Variants in FYTTD1 observed in about 807,000 individuals in gnomAD.
FYTTD1 encodes forty-two-three domain containing 1, also known as UAP56-interacting factor.
Under a neutral mutation model 40.9 loss-of-function variants are expected in FYTTD1, and 22 were observed. The observed-to-expected ratio is 0.54, with a 90% CI of 0.38 to 0.77. The LOEUF (loss-of-function observed/expected upper bound fraction) is 0.77, where lower values mean the gene tolerates loss of function less well. Ranked by LOEUF, FYTTD1 falls within the 30% of genes least tolerant of loss-of-function variation. The pLI is 0.00. For synonymous variants in FYTTD1, 140 were observed against 137.9 expected (o/e 1.01, Z -0.10); for missense variants, 351 against 392.2 (o/e 0.90, Z 0.89).
chr3:197,750,306 G>T (rs1159428159), intron 1 of FYTTD1: 13 of 1,106,084 alleles, frequency 1.2e-5, no homozygotes, highest in African/African-American at 1.6e-5. Flanking sequence ...AGTCGGAGGA[G>T]GGGCTGTGGA....
intron 4 of FYTTD1, 102 bp from the exon 5 acceptor site, chr3:197,773,301 T>A: frequency 2.0e-5 from 13 of 649,990 alleles, no homozygotes; most frequent in Non-Finnish European, 3.0e-5. Context: ...TTCTTGCACC[T>A]CATGTTTGCA....
chr3:197,769,451 A>G (rs549537905), intron 3 of FYTTD1, among the ~76,000 whole-genome samples: 2 of 152,358 alleles, frequency 1.3e-5, no homozygotes, highest in African/African-American at 2.4e-5. Flanking sequence ...TATACTTAAT[A>G]GAAGAATCCA....
chr3:197,760,438 A>G (rs1180424364), intron 2 of FYTTD1, among the ~76,000 whole-genome samples: 2 of 151,552 alleles, frequency 1.3e-5, no homozygotes, highest in Non-Finnish European at 1.5e-5. Context: ...CAGGGGTAGA[A>G]TGTATGAGTT....
intron 2 of FYTTD1, among the ~76,000 whole-genome samples, chr3:197,764,566 G>C (rs1206991163): frequency 6.6e-6 from 1 of 151,926 alleles, no homozygotes; most frequent in Admixed American, 6.6e-5. Context: ...AAAATTAGCT[G>C]GGCATGGTGG....
intron 1 of FYTTD1, among the ~76,000 whole-genome samples, chr3:197,754,275 CT>C (rs1729149834): frequency 6.6e-6 from 1 of 152,024 alleles, no homozygotes; most frequent in Non-Finnish European, 1.5e-5. Context: ...TGATGTTGAC[CT>C]TTTAATTTTT....
intron 2 of FYTTD1, among the ~76,000 whole-genome samples, chr3:197,761,135 A>C (rs1184241070): frequency 6.6e-6 from 1 of 151,956 alleles, no homozygotes; most frequent in Non-Finnish European, 1.5e-5. Flanking sequence ...CAGTGGTAGA[A>C]TGTATAGAGT....
chr3:197,769,620 T>TCGCCTCTAACCA (rs1729652152), intron 3 of FYTTD1, among the ~76,000 whole-genome samples: 1 of 152,236 alleles, frequency 6.6e-6, no homozygotes, highest in African/African-American at 2.4e-5. Flanking sequence ...ATGATACTTT[T>TCGCCTCTAACCA]CGCCTCTAAC....
intron 2 of FYTTD1, among the ~76,000 whole-genome samples, chr3:197,758,898 G>A (rs1729284696): frequency 6.6e-6 from 1 of 152,230 alleles, no homozygotes; most frequent in Admixed American, 6.5e-5. Flanking sequence ...GATTTCTGAT[G>A]GCTGAACAAG....
chr3:197,753,489 A>G (rs1250675551), intron 1 of FYTTD1, among the ~76,000 whole-genome samples: 1 of 151,048 alleles, frequency 6.6e-6, no homozygotes, highest in Non-Finnish European at 1.5e-5. Flanking sequence ...ATATTCCTCT[A>G]GTGCTATGGA....
chr3:197,756,520 C>G lies in FYTTD1; in HGVS notation c.198C>G (p.Phe66Leu), dbSNP rs1298100593. ...RLLQQSGAQQ[F>L]RMRVRWGIQQ... Reference sequence around the variant, plus strand: ...TCCAGCAAAGTGGTGCCCAGCAATTCAGGATGAGAGTGCGATGGGGAATCC... The same window carrying G: ...TCCAGCAAAGTGGTGCCCAGCAATTGAGGATGAGAGTGCGATGGGGAATCC... The change falls in exon 2 of 9, where the codon TTC becomes TTG. Residue 66 changes from phenylalanine (F) to leucine (L), a missense_variant. Phe to Leu is a conservative substitution (Grantham distance 22, BLOSUM62 0). Coordinates refer to ENST00000241502, the MANE Select transcript of FYTTD1 (RefSeq NM_032288.7). 2.5e-6 allele frequency: 4 copies of G among 1,613,564 alleles called. No homozygotes were observed. Among genetic ancestry groups the G allele is most frequent in the Non-Finnish European group, 3.4e-6 (4 of 1,179,596 alleles).
At chr3:197,773,005 T>A (rs1729762465) in intron 4 of FYTTD1, among the ~76,000 whole-genome samples, 1 of 152,240 alleles carries the variant, frequency 6.6e-6, no homozygotes, top group African/African-American at 2.4e-5. Flanking sequence ...TCTTTATTTT[T>A]GGTCTTCAGT....
chr3:197,775,367 AAT>A (rs1729846304), intron 6 of FYTTD1, among the ~76,000 whole-genome samples: 1 of 152,182 alleles, frequency 6.6e-6, no homozygotes, highest in Non-Finnish European at 1.5e-5. Flanking sequence ...TGGAAAATAA[AAT>A]ATATACACTT....
chr3:197,756,262 C>T (rs1229150926), intron 1 of FYTTD1, among the ~76,000 whole-genome samples, 164 bp from the exon 2 acceptor site: 1 of 152,098 alleles, frequency 6.6e-6, no homozygotes, highest in Non-Finnish European at 1.5e-5. Flanking sequence ...GGTAGATCTG[C>T]TTTGGGCTAT....
At chr3:197,778,973 T>C (rs1342162109) in intron 8 of FYTTD1, among the ~76,000 whole-genome samples, 1 of 152,230 alleles carries the variant, frequency 6.6e-6, no homozygotes, top group Non-Finnish European at 1.5e-5. Context: ...ACTGCTTTTT[T>C]CCTAGAAGAG....
intron 6 of FYTTD1, among the ~76,000 whole-genome samples, chr3:197,775,857 T>C (rs779013101): frequency 5.9e-5 from 9 of 152,254 alleles, no homozygotes; most frequent in Non-Finnish European, 8.8e-5. Flanking sequence ...ATAAATGTTA[T>C]TTGTTTTGAA....
At chr3:197,755,562 C>T (rs965748850) in intron 1 of FYTTD1, 3 of 185,636 alleles carry the variant, frequency 1.6e-5, no homozygotes, top group African/African-American at 7.1e-5. Context: ...TCTTCTGCCT[C>T]AGCCTCCCGA....
rs1352768957 is a variant in FYTTD1 at position 197,785,851 on chromosome 3, T to C, written c.*3942T>C. On this transcript the variant is annotated 3_prime_UTR_variant, in exon 9 of 9. Transcript: ENST00000241502. The stretch of plus-strand genomic sequence containing the variant: ...ATCAGAATTATTATTATTATTATTA[T>C]TTTGCCACTGTGAAAAAGCAGTTAA... The C allele has an allele frequency of 1.3e-5, 2 of 151,818 alleles. No homozygotes were observed. The highest frequency in any genetic ancestry group is 2.9e-5 in the Non-Finnish European group (2 of 67,964). 9.4% of individuals were successfully genotyped at this position (151,818 alleles called of 1,614,324 possible). A position where few individuals can be genotyped will look rare whatever the true frequency, so the allele number is the denominator to read the frequency against.
At chr3:197,777,412 C>T (rs1729907527) in intron 7 of FYTTD1, among the ~76,000 whole-genome samples, 1 of 151,662 alleles carries the variant, frequency 6.6e-6, no homozygotes, top group African/African-American at 2.4e-5. Context: ...GACAGTTGCC[C>T]ACCACCATGT....
chr3:197,772,008 C>T (rs932370000), intron 4 of FYTTD1, among the ~76,000 whole-genome samples: 2 of 151,724 alleles, frequency 1.3e-5, no homozygotes, highest in Non-Finnish European at 1.5e-5. Context: ...GCAGGAGAAT[C>T]GCTTAAACCT....
Sources: gnomAD v4.1 joint callset for allele counts (sites outside exome capture counted in the v4.1 genomes callset) on GRCh38, gnomAD v4.1.1 for gene constraint, MANE v1.5 for transcripts, NCBI Gene and HGNC (gene_info 2026-07-23, HGNC 2026-07-21) for gene names.